The following HEMK2 variants were observed in gnomAD, a reference collection of about 807,000 sequenced individuals.
HEMK2 encodes the protein methyltransferase HEMK2.
At chr21:28,772,590 T>C in the HEMK2 span, among the ~76,000 whole-genome samples, 5 of 152,230 alleles carry the variant, frequency 3.3e-5, no homozygotes, top group African/African-American at 1.2e-4. Flanking sequence ...CCTCATTTAA[T>C]GTATTTTCAA....
At chr21:28,840,059 C>A in the HEMK2 span, among the ~76,000 whole-genome samples, 2 of 151,972 alleles carry the variant, frequency 1.3e-5, no homozygotes, top group Non-Finnish European at 2.9e-5. Flanking sequence ...CAGAAATAAA[C>A]CCAGATACTT....
the HEMK2 span, among the ~76,000 whole-genome samples, chr21:28,643,483 G>A: frequency 6.6e-6 from 1 of 152,082 alleles, no homozygotes; most frequent in Non-Finnish European, 1.5e-5. Flanking sequence ...TCCAAAACCA[G>A]CCTGGGCAAC....
At chr21:28,771,605 A>G in the HEMK2 span, among the ~76,000 whole-genome samples, 1 of 148,356 alleles carries the variant, frequency 6.7e-6, no homozygotes, top group Non-Finnish European at 1.5e-5. Flanking sequence ...TTTAGTTGCC[A>G]TATTTTCCTC....
chr21:28,618,886 C>T, the HEMK2 span, among the ~76,000 whole-genome samples: 5 of 152,082 alleles, frequency 3.3e-5, no homozygotes, highest in South Asian at 2.1e-4. Context: ...GTACATTGGT[C>T]GTTATGAACT....
chr21:28,657,415 G>T, the HEMK2 span, among the ~76,000 whole-genome samples: 1 of 151,984 alleles, frequency 6.6e-6, no homozygotes, highest in Non-Finnish European at 1.5e-5. Context: ...CTTCAGAGAG[G>T]AATTAGCTTT....
At chr21:28,754,637 G>C in the HEMK2 span, among the ~76,000 whole-genome samples, 1 of 152,112 alleles carries the variant, frequency 6.6e-6, no homozygotes, top group Non-Finnish European at 1.5e-5. Context: ...CTTGTTGTTT[G>C]TCTATTTTTA....
At chr21:28,700,762 AG>A in the HEMK2 span, among the ~76,000 whole-genome samples, 223 of 152,262 alleles carry the variant, frequency 1.5e-3, 6 homozygotes, top group South Asian at 0.03. Flanking sequence ...CAGAAAATTG[AG>A]GAGGAGGGGC....
chr21:28,770,867 T>A, the HEMK2 span, among the ~76,000 whole-genome samples: 2 of 152,148 alleles, frequency 1.3e-5, no homozygotes, highest in African/African-American at 4.8e-5. Context: ...ACTGAGCACC[T>A]AGATCAGACT....
chr21:28,862,358 C>CATCAGTACCAGCTACGACCATGT, the HEMK2 span, among the ~76,000 whole-genome samples: 3 of 149,050 alleles, frequency 2.0e-5, no homozygotes, highest in African/African-American at 5.1e-5. Context: ...AGAAAGTAGT[C>CATCAGTACCAGCTACGACCATGT]GCCGGGCGCG....
At chr21:28,773,199 C>T in the HEMK2 span, among the ~76,000 whole-genome samples, 3 of 152,218 alleles carry the variant, frequency 2.0e-5, no homozygotes, top group East Asian at 1.9e-4. Flanking sequence ...ATTGGGACCA[C>T]ACCAAATACC....
At chr21:28,879,122 T>C in the HEMK2 span, among the ~76,000 whole-genome samples, 1 of 138,080 alleles carries the variant, frequency 7.2e-6, no homozygotes, top group African/African-American at 2.7e-5. Context: ...TCTTGCTCTG[T>C]CACCTAGACT....
At chr21:28,677,533 A>C in the HEMK2 span, among the ~76,000 whole-genome samples, 1 of 152,356 alleles carries the variant, frequency 6.6e-6, no homozygotes, top group Non-Finnish European at 1.5e-5. Context: ...CCTGTCTGAC[A>C]GCTTTGAAGA....
At chr21:28,829,251 T>C in the HEMK2 span, among the ~76,000 whole-genome samples, 2 of 152,226 alleles carry the variant, frequency 1.3e-5, no homozygotes, top group African/African-American at 4.8e-5. Flanking sequence ...TTGTTAGTTG[T>C]GAGTTGCCCC....
the HEMK2 span, among the ~76,000 whole-genome samples, chr21:28,650,671 A>G: frequency 6.6e-6 from 1 of 152,192 alleles, no homozygotes; most frequent in African/African-American, 2.4e-5. Context: ...GAGGTCAGAC[A>G]TCTTGGAATA....
At chr21:28,800,811 C>T in the HEMK2 span, among the ~76,000 whole-genome samples, 5 of 152,110 alleles carry the variant, frequency 3.3e-5, no homozygotes, top group African/African-American at 7.2e-5. Flanking sequence ...TTTCAAGTAG[C>T]TCATGTTATT....
chr21:28,641,087 T>C, the HEMK2 span, among the ~76,000 whole-genome samples: 1 of 152,238 alleles, frequency 6.6e-6, no homozygotes, highest in Non-Finnish European at 1.5e-5. Context: ...TTTTTCATGC[T>C]TTTTTCATCT....
At chr21:28,584,385 T>C in the HEMK2 span, among the ~76,000 whole-genome samples, 1 of 152,226 alleles carries the variant, frequency 6.6e-6, no homozygotes, top group African/African-American at 2.4e-5. Flanking sequence ...AGGACAGTTA[T>C]AGTTCTGCTC....
At chr21:28,759,942 C>T in the HEMK2 span, among the ~76,000 whole-genome samples, 3 of 152,246 alleles carry the variant, frequency 2.0e-5, no homozygotes, top group African/African-American at 7.2e-5. Flanking sequence ...ACACACTGAA[C>T]ATGACAAATT....
chr21:28,644,811 T>A, the HEMK2 span, among the ~76,000 whole-genome samples: 6 of 152,210 alleles, frequency 3.9e-5, no homozygotes, highest in African/African-American at 1.4e-4. Flanking sequence ...TGTAAAATAC[T>A]GGAAATCTAA....
Sources: gnomAD v4.1 joint callset for allele counts (sites outside exome capture counted in the v4.1 genomes callset) on GRCh38, gnomAD v4.1.1 for gene constraint, MANE v1.5 for transcripts, NCBI Gene and HGNC (gene_info 2026-07-23, HGNC 2026-07-21) for gene names.